The following RAPGEF2 variants were observed in gnomAD, a reference collection of about 807,000 sequenced individuals.
RAPGEF2 encodes the protein Rap guanine nucleotide exchange factor 2, also known as PDZ domain containing guanine nucleotide exchange factor (GEF) 1.
Under a neutral mutation model 186.7 loss-of-function variants are expected in RAPGEF2, and 54 were observed. That is an observed-to-expected ratio of 0.29 (90% CI 0.23 to 0.36). The LOEUF is 0.36. Ranked by LOEUF, RAPGEF2 falls within the 10% of genes least tolerant of loss-of-function variation. RAPGEF2 has a pLI of 1.00. For synonymous variants in RAPGEF2, 712 were observed against 705.9 expected (o/e 1.01, Z -0.14); for missense variants, 1,532 against 2,045.0 (o/e 0.75, Z 4.84).
At chr4:159,222,120 C>G (rs1430636299) in intron 4 of RAPGEF2, among the ~76,000 whole-genome samples, 4 of 152,192 alleles carry the variant, frequency 2.6e-5, no homozygotes, top group Admixed American at 2.6e-4. Context: ...AACCCTCTTT[C>G]CTCTTGTACA....
At chr4:159,253,697 G>C (rs1042516444) in intron 7 of RAPGEF2, among the ~76,000 whole-genome samples, 4 of 151,906 alleles carry the variant, frequency 2.6e-5, no homozygotes, top group Non-Finnish European at 4.4e-5. Context: ...GGCCAGGCGC[G>C]GTGGCTCATG....
intron 1 of RAPGEF2, among the ~76,000 whole-genome samples, chr4:159,141,332 A>G (rs770429481): frequency 2.6e-5 from 4 of 152,154 alleles, no homozygotes; most frequent in Non-Finnish European, 2.9e-5. Flanking sequence ...TTCCTTTTAA[A>G]TATTTCCACG....
chr4:159,330,874 G>T (rs1452500312), intron 13 of RAPGEF2, among the ~76,000 whole-genome samples: 1 of 152,034 alleles, frequency 6.6e-6, no homozygotes, highest in East Asian at 1.9e-4. Flanking sequence ...TTTTAAATTG[G>T]CACCAGAGCA....
intron 6 of RAPGEF2, among the ~76,000 whole-genome samples, chr4:159,241,782 T>A (rs1334437915): frequency 5.3e-5 from 8 of 152,014 alleles, no homozygotes; most frequent in Non-Finnish European, 8.8e-5. Flanking sequence ...TCCTGTGCAC[T>A]CCACCCTTCA....
At chr4:159,338,222 A>T in intron 17 of RAPGEF2, 89 bp from the exon 18 acceptor site, 2 of 1,187,228 alleles carry the variant, frequency 1.7e-6, no homozygotes, top group Middle Eastern at 2.1e-4. Context: ...AAAAAAATGG[A>T]ATATGGTTTT....
chr4:159,175,317 C>T (rs1746348015), intron 1 of RAPGEF2, among the ~76,000 whole-genome samples: 2 of 151,856 alleles, frequency 1.3e-5, no homozygotes, highest in Non-Finnish European at 2.9e-5. Flanking sequence ...GAAAACCATA[C>T]ACTCTGCTAT....
intron 8 of RAPGEF2, among the ~76,000 whole-genome samples, chr4:159,310,083 C>T (rs1474367094): frequency 1.3e-5 from 2 of 150,098 alleles, no homozygotes; most frequent in African/African-American, 2.5e-5. Context: ...GAAAAATACT[C>T]AGCTCACAAT....
intron 1 of RAPGEF2, among the ~76,000 whole-genome samples, chr4:159,146,285 T>C (rs1742949943): frequency 6.6e-6 from 1 of 152,128 alleles, no homozygotes; most frequent in South Asian, 2.1e-4. Flanking sequence ...TATTTAATAC[T>C]TTTGGTTTAA....
intron 18 of RAPGEF2, 35 bp downstream of exon 18, chr4:159,338,503 A>G (rs373515797): frequency 1.8e-5 from 28 of 1,557,284 alleles, no homozygotes; most frequent in Admixed American, 8.8e-5. Context: ...GTTTTCTTAT[A>G]GTTATCTTTT....
intron 1 of RAPGEF2, among the ~76,000 whole-genome samples, chr4:159,182,391 T>C (rs1016240216): frequency 3.0e-4 from 39 of 131,604 alleles, no homozygotes; most frequent in African/African-American, 1.0e-3. Flanking sequence ...TTCTTCTTTT[T>C]TTTTTTTTTT....
chr4:159,251,096 G>C (rs986365618), intron 7 of RAPGEF2, among the ~76,000 whole-genome samples: 3 of 152,178 alleles, frequency 2.0e-5, no homozygotes, highest in Non-Finnish European at 2.9e-5. Flanking sequence ...CGCCGGGTTC[G>C]CCAGCACTGC....
intron 7 of RAPGEF2, among the ~76,000 whole-genome samples, chr4:159,246,248 G>A (rs1754620135): frequency 1.3e-5 from 2 of 152,018 alleles, no homozygotes; most frequent in South Asian, 4.1e-4. Flanking sequence ...ACATGCAAAA[G>A]TAATGGAAAA....
At position 159,243,146 on chromosome 4, in the gene RAPGEF2, C is replaced by G. The variant is rs561205993; in HGVS notation, c.526-628C>G. Among the ~76,000 whole-genome samples, 453 of 150,058 alleles carry G rather than the reference C, an allele frequency of 3.0e-3. 2 individuals carry two copies. Among genetic ancestry groups the G allele is most frequent in the African/African-American group, 0.01 (410 of 40,874 alleles). On this transcript the variant is annotated intron_variant, in intron 6 of 29. Coordinates refer to ENST00000691494, the MANE Select transcript of RAPGEF2 (RefSeq NM_001394067.2). The stretch of plus-strand genomic sequence containing the variant: ...TTTTTAAGTGGATTTTTAAGAGTGT[C>G]TTACCTAGCCAGCAGATACTTTTAG...
intron 9 of RAPGEF2, among the ~76,000 whole-genome samples, chr4:159,319,243 T>A (rs1015084058): frequency 6.6e-6 from 1 of 151,996 alleles, no homozygotes; most frequent in African/African-American, 2.4e-5. Flanking sequence ...GAGTGAAAGG[T>A]GAGGGAGCAT....
chr4:159,307,493 T>C (rs1203859841), intron 8 of RAPGEF2, among the ~76,000 whole-genome samples: 1 of 152,214 alleles, frequency 6.6e-6, no homozygotes, highest in Non-Finnish European at 1.5e-5. Flanking sequence ...ATAAAAGTTG[T>C]ATTTTAGTTT....
intron 1 of RAPGEF2, among the ~76,000 whole-genome samples, chr4:159,104,534 CAGAGAG>C (rs1209953581): frequency 1.1e-4 from 7 of 62,508 alleles, no homozygotes; most frequent in South Asian, 6.1e-4. Flanking sequence ...GAGGGAGAGA[CAGAGAG>C]AGAGAGAGAG....
intron 26 of RAPGEF2, 98 bp from the exon 27 acceptor site, chr4:159,352,587 T>A (rs1354161251): frequency 3.2e-6 from 3 of 932,350 alleles, no homozygotes; most frequent in Non-Finnish European, 5.1e-6. Context: ...TTAAGAGATA[T>A]CTATGCCTGC....
At chr4:159,146,375 C>G (rs970604391) in intron 1 of RAPGEF2, among the ~76,000 whole-genome samples, 1 of 113,510 alleles carries the variant, frequency 8.8e-6, no homozygotes, top group Non-Finnish European at 1.9e-5. Context: ...TTTTTTTTTT[C>G]TTTTGGTGCA....
intron 4 of RAPGEF2, among the ~76,000 whole-genome samples, chr4:159,214,801 C>G (rs777038182): frequency 6.6e-6 from 1 of 152,176 alleles, no homozygotes; most frequent in Non-Finnish European, 1.5e-5. Flanking sequence ...GAGTCTTTTT[C>G]TACTAATTTA....
Sources: gnomAD v4.1 joint callset for allele counts (sites outside exome capture counted in the v4.1 genomes callset) on GRCh38, gnomAD v4.1.1 for gene constraint, MANE v1.5 for transcripts, NCBI Gene and HGNC (gene_info 2026-07-23, HGNC 2026-07-21) for gene names.